The following PRKN variants were observed in gnomAD, a reference collection of about 807,000 sequenced individuals.
PRKN encodes the protein E3 ubiquitin-protein ligase parkin.
In PRKN, 56 loss-of-function variants were observed where a neutral mutation model predicts 59.5. The ratio of observed to expected loss-of-function variants is 0.94; its 90% CI spans 0.76 to 1.18. PRKN has a LOEUF of 1.18. Ranked by LOEUF, PRKN falls within the 50% of genes most tolerant of loss-of-function variation. PRKN has a pLI of 0.00. For synonymous variants in PRKN, 250 were observed against 222.1 expected, an observed-to-expected ratio of 1.13 and a Z score of -1.12; for missense variants, 657 against 596.4, an observed-to-expected ratio of 1.10 and a Z score of -1.06.
chr6:162,687,419 C>T (rs934550505), intron 1 of PRKN, among the ~76,000 whole-genome samples: 1 of 151,968 alleles, frequency 6.6e-6, no homozygotes, highest in Non-Finnish European at 1.5e-5. Flanking sequence ...CTCCTGACCT[C>T]GTGATCCACC....
At chr6:161,640,889 A>C (rs1053363981) in intron 7 of PRKN, among the ~76,000 whole-genome samples, 11 of 152,240 alleles carry the variant, frequency 7.2e-5, no homozygotes, top group African/African-American at 2.7e-4. Context: ...TGAATAAATT[A>C]ACTTTATAGG....
In PRKN at chr6:161,402,617, G is replaced by A. The variant is rs145644219; in HGVS notation, c.1084-15740C>T. Among the ~76,000 whole-genome samples the A allele has an allele frequency of 2.0e-5, 3 of 152,066 alleles. No individual in the cohort carries two copies. Among genetic ancestry groups the A allele is most frequent in the African/African-American group, 4.8e-5 (2 of 41,380 alleles). ...CATATAAACAGATTAACAGGAGAAA[G>A]AGCATATTCAATTCTGTACACATGA... On this transcript the variant is annotated intron_variant, in intron 9 of 11. Transcript: ENST00000366898. This position sits in a 1 kb window ranked among gnomAD's most constrained non-coding sequence, Gnocchi z 4.5.
At chr6:162,185,159 CA>C (rs1783973818) in intron 4 of PRKN, among the ~76,000 whole-genome samples, 1 of 152,174 alleles carries the variant, frequency 6.6e-6, no homozygotes, top group South Asian at 2.1e-4. Flanking sequence ...ATGTATTCCA[CA>C]GCACATTTTC....
intron 1 of PRKN, among the ~76,000 whole-genome samples, chr6:162,538,359 T>C (rs1382549823): frequency 5.9e-5 from 9 of 152,116 alleles, no homozygotes; most frequent in Non-Finnish European, 1.3e-4. Context: ...ATTGTGTCAC[T>C]GCACTGCAGC....
At chr6:162,182,961 G>C (rs1335154936) in intron 4 of PRKN, among the ~76,000 whole-genome samples, 1 of 151,958 alleles carries the variant, frequency 6.6e-6, no homozygotes, top group Non-Finnish European at 1.5e-5. Context: ...GGTCATTTCT[G>C]ACACCTTTTT....
intron 3 of PRKN, among the ~76,000 whole-genome samples, chr6:162,262,309 A>G (rs1368351904): frequency 1.3e-5 from 2 of 152,172 alleles, no homozygotes; most frequent in African/African-American, 2.4e-5. Flanking sequence ...ATTTAATCTC[A>G]ATATGAAAAC....
chr6:162,412,138 T>C (rs1446209578), intron 2 of PRKN, among the ~76,000 whole-genome samples: 1 of 152,080 alleles, frequency 6.6e-6, no homozygotes, highest in African/African-American at 2.4e-5. Context: ...AGTAACACCA[T>C]AGCACTGCTA....
chr6:162,557,850 G>T (rs1779674033), intron 1 of PRKN, among the ~76,000 whole-genome samples: 1 of 152,076 alleles, frequency 6.6e-6, no homozygotes, highest in South Asian at 2.1e-4. Context: ...TGACAATATA[G>T]GGCTTCTTCT....
intron 1 of PRKN, among the ~76,000 whole-genome samples, chr6:162,707,965 T>C (rs1778396771): frequency 6.6e-6 from 1 of 152,206 alleles, no homozygotes; most frequent in Admixed American, 6.5e-5. Context: ...TCTGCCCACC[T>C]TGGCCTCCCA....
At chr6:162,598,852 C>T (rs1296607911) in intron 1 of PRKN, among the ~76,000 whole-genome samples, 1 of 45,438 alleles carries the variant, frequency 2.2e-5, no homozygotes, top group Admixed American at 2.7e-4. Context: ...GATTCTGTCA[C>T]CAAAAAAAAA....
At chr6:161,709,516 C>G (rs1038347355) in intron 7 of PRKN, among the ~76,000 whole-genome samples, 8 of 152,118 alleles carry the variant, frequency 5.3e-5, no homozygotes, top group Non-Finnish European at 1.0e-4. Context: ...ATTAATTTAA[C>G]CTCTAGGAGT....
intron 7 of PRKN, among the ~76,000 whole-genome samples, chr6:161,770,163 T>C (rs577888351): frequency 6.6e-6 from 1 of 152,194 alleles, no homozygotes; most frequent in East Asian, 1.9e-4. Context: ...GGACACTGCG[T>C]TGAAGCTCAG....
chr6:162,715,376 T>C (rs1225608424), intron 1 of PRKN, among the ~76,000 whole-genome samples: 2 of 152,182 alleles, frequency 1.3e-5, no homozygotes, highest in African/African-American at 4.8e-5. Context: ...AGATACACTA[T>C]AAAGATGGAA....
chr6:162,429,205 C>A (rs1414413282), intron 2 of PRKN, among the ~76,000 whole-genome samples: 6 of 152,166 alleles, frequency 3.9e-5, no homozygotes, highest in Non-Finnish European at 8.8e-5. Context: ...GCTGGGGGCT[C>A]CCTGATGCCC....
At chr6:161,687,452 T>G in intron 7 of PRKN, among the ~76,000 whole-genome samples, 1 of 150,832 alleles carries the variant, frequency 6.6e-6, no homozygotes, top group Non-Finnish European at 1.5e-5. Flanking sequence ...TATCTTTTTT[T>G]TTAAATTAAA....
intron 2 of PRKN, among the ~76,000 whole-genome samples, chr6:162,295,807 G>A (rs1252438843): frequency 6.6e-6 from 1 of 152,114 alleles, no homozygotes; most frequent in East Asian, 1.9e-4. Flanking sequence ...CTGCATAGGT[G>A]GCTGCCACTG....
At chr6:162,140,576 T>C (rs1321724057) in intron 4 of PRKN, among the ~76,000 whole-genome samples, 1 of 152,046 alleles carries the variant, frequency 6.6e-6, no homozygotes, top group East Asian at 1.9e-4. Context: ...AGGGGAATGG[T>C]GTTATTTTCG....
Position 161,413,750 on chromosome 6 carries a change from T to C in PRKN, c.1084-26873A>G, listed in dbSNP as rs1316229222. Among the ~76,000 whole-genome samples, 1 of 152,132 alleles carries C rather than the reference T, an allele frequency of 6.6e-6. No individual in the cohort carries two copies. The highest frequency in any genetic ancestry group is 1.5e-5 in the Non-Finnish European group (1 of 68,038). ...TGGCCATTCCTGAGAACAAGGATAA[T>C]GCCACACAAATGAGATGTTCCAGCT... On this transcript the variant is annotated intron_variant, in intron 9 of 11. Transcript: ENST00000366898. The surrounding 1 kb of genome is among the most constrained non-coding windows in gnomAD (Gnocchi z 4.4).
intron 1 of PRKN, among the ~76,000 whole-genome samples, chr6:162,577,249 G>GA (rs34066675): frequency 0.18 from 27,810 of 151,804 alleles, 3,200 homozygotes; most frequent in East Asian, 0.48. Context: ...TCAATAATAG[G>GA]AAAAAAATCA....
Sources: allele counts gnomAD v4.1 joint callset (sites outside exome capture counted in the v4.1 genomes callset), GRCh38; gene constraint gnomAD v4.1.1; non-coding constraint Gnocchi (gnomAD v3.1); transcripts MANE v1.5; gene names NCBI Gene and HGNC (gene_info 2026-07-23, HGNC 2026-07-21).